TMPRSS11F: variants seen among roughly 807,000 people sequenced by gnomAD.
TMPRSS11F encodes transmembrane protease serine 11F.
A neutral mutation model predicts 60.2 loss-of-function variants in TMPRSS11F; 47 were observed. The observed-to-expected ratio is 0.78, with a 90% CI of 0.62 to 1.00. The LOEUF is 1.00. Ranked by LOEUF, TMPRSS11F falls within the 50% of genes least tolerant of loss-of-function variation. The probability of loss-of-function intolerance (pLI) is 0.00; values close to 1 mark genes in which losing one functional copy is unlikely to be tolerated. For missense variants in TMPRSS11F, 519 were observed against 522.9 expected, an observed-to-expected ratio of 0.99 and a Z score of 0.07; for synonymous variants, 166 against 167.3, an observed-to-expected ratio of 0.99 and a Z score of 0.06.
At chr4:68,100,002 G>A (rs1724156602) in intron 1 of TMPRSS11F, among the ~76,000 whole-genome samples, 1 of 149,764 alleles carries the variant, frequency 6.7e-6, no homozygotes, top group Admixed American at 6.7e-5. Flanking sequence ...TATTAAGAAA[G>A]TGACATGATT....
At chr4:68,064,377 G>A (rs1456270432) in intron 8 of TMPRSS11F, among the ~76,000 whole-genome samples, 1 of 151,874 alleles carries the variant, frequency 6.6e-6, no homozygotes, top group African/African-American at 2.4e-5. Context: ...AGTAGAGATG[G>A]GGTTTCACCA....
chr4:68,083,371 T>C (rs1723745540), intron 3 of TMPRSS11F, among the ~76,000 whole-genome samples: 1 of 152,104 alleles, frequency 6.6e-6, no homozygotes, highest in African/African-American at 2.4e-5. Flanking sequence ...TCATCTCTCT[T>C]CAACGCCACA....
At chr4:68,054,920 A>G (rs1438445) in intron 9 of TMPRSS11F, among the ~76,000 whole-genome samples, 108,765 of 152,050 alleles carry the variant, frequency 0.72, 39,853 homozygotes, top group East Asian at 0.88. Flanking sequence ...CCATCATGAT[A>G]CGTGCTATGG....
At position 68,099,003 on chromosome 4, in the gene TMPRSS11F, G is replaced by C; in HGVS notation, c.47C>G (p.Ala16Gly). The C allele has an allele frequency of 6.2e-7, 1 of 1,612,562 alleles. No homozygotes were observed. Among genetic ancestry groups the C allele is most frequent in the East Asian group, 2.2e-5 (1 of 44,810 alleles). Residue 16 changes from alanine to glycine, a missense_variant, in exon 2 of 10, where the codon GCT becomes GGT. Transcript: ENST00000356291. ...VEFSEAEFSR[A>G]EYQRKQQFWD... The stretch of plus-strand genomic sequence containing the variant: ...AAATTGCTGCTTTCTTTGATATTCA[G>C]CTCGTGAGAATTCAGCTTCTGAAAA...
intron 1 of TMPRSS11F, among the ~76,000 whole-genome samples, chr4:68,109,572 AAAATTTG>A (rs2109879724): frequency 6.6e-6 from 1 of 152,326 alleles, no homozygotes; most frequent in South Asian, 2.1e-4. Context: ...AATGTGTCTC[AAAATTTG>A]AAATAAAGAG....
intron 7 of TMPRSS11F, among the ~76,000 whole-genome samples, chr4:68,066,022 A>G (rs1359097378): frequency 6.6e-6 from 1 of 151,652 alleles, no homozygotes. Flanking sequence ...AAGCTGAGGC[A>G]GGAGAATCGC....
intron 1 of TMPRSS11F, among the ~76,000 whole-genome samples, chr4:68,122,048 G>T (rs1416883056): frequency 6.6e-6 from 1 of 151,908 alleles, no homozygotes; most frequent in Non-Finnish European, 1.5e-5. Context: ...TTGAATATTT[G>T]AGTATGTATT....
intron 1 of TMPRSS11F, among the ~76,000 whole-genome samples, chr4:68,102,786 G>A (rs1424452351): frequency 6.6e-6 from 1 of 151,888 alleles, no homozygotes; most frequent in Non-Finnish European, 1.5e-5. Context: ...TTTATCAATT[G>A]TTTCTTTTGC....
intron 1 of TMPRSS11F, among the ~76,000 whole-genome samples, chr4:68,111,042 G>A (rs530053556): frequency 1.3e-5 from 2 of 152,018 alleles, no homozygotes; most frequent in Non-Finnish European, 2.9e-5. Flanking sequence ...GCCTTATTTA[G>A]GCTGAAGTCC....
chr4:68,096,270 C>T (rs1283137810), intron 2 of TMPRSS11F, among the ~76,000 whole-genome samples: 2 of 152,120 alleles, frequency 1.3e-5, no homozygotes, highest in Non-Finnish European at 2.9e-5. Flanking sequence ...TTTTCTTTCT[C>T]TTTGAGGAAA....
intron 2 of TMPRSS11F, among the ~76,000 whole-genome samples, chr4:68,091,196 T>C (rs1051593643): frequency 6.6e-6 from 1 of 152,184 alleles, no homozygotes; most frequent in African/African-American, 2.4e-5. Context: ...ATGTCTTTCA[T>C]GGTTTTGTTT....
At position 68,060,612 on chromosome 4, in the gene TMPRSS11F, C is replaced by T. The variant is rs1408817828; in HGVS notation, c.1016-1144G>A. 4.6e-3 allele frequency among the ~76,000 whole-genome samples: 445 copies of T among 97,550 alleles called. 4 individuals carry two copies. Among genetic ancestry groups the T allele is most frequent in the African/African-American group, 0.017 (431 of 25,408 alleles). 64.0% of individuals were successfully genotyped at this position (97,550 alleles called of 152,430 possible). ...CATAAGTATCTCTCTTTTTTTTTTT[C>T]AGGTTCTAATTCCTACTCGTTTATT... On this transcript the variant is annotated intron_variant, in intron 8 of 9. Coordinates refer to ENST00000356291, the MANE Select transcript of TMPRSS11F (RefSeq NM_207407.2).
At chr4:68,095,893 C>T (rs1482300316) in intron 2 of TMPRSS11F, among the ~76,000 whole-genome samples, 1 of 14,770 alleles carries the variant, frequency 6.8e-5, no homozygotes, top group East Asian at 1.8e-3. Flanking sequence ...AAGATTCCAT[C>T]TCAAAAAAAA....
intron 6 of TMPRSS11F, 78 bp from the exon 7 acceptor site, chr4:68,068,897 C>G (rs1022958999): frequency 5.5e-6 from 8 of 1,454,790 alleles, no homozygotes; most frequent in African/African-American, 2.8e-5. Flanking sequence ...TGGTTATAGA[C>G]AATCCTTTGT....
At chr4:68,105,430 G>A (rs1168145974) in intron 1 of TMPRSS11F, among the ~76,000 whole-genome samples, 1 of 152,070 alleles carries the variant, frequency 6.6e-6, no homozygotes, top group Non-Finnish European at 1.5e-5. Context: ...ATAAATACAA[G>A]TTGACTGGGT....
At chr4:68,105,001 C>G (rs1262587720) in intron 1 of TMPRSS11F, among the ~76,000 whole-genome samples, 1 of 132,758 alleles carries the variant, frequency 7.5e-6, no homozygotes, top group Non-Finnish European at 1.6e-5. Flanking sequence ...TCTTAGGTAT[C>G]AAGGTGATGC....
chr4:68,093,878 T>A (rs887780503), intron 2 of TMPRSS11F, among the ~76,000 whole-genome samples: 7 of 143,156 alleles, frequency 4.9e-5, no homozygotes, highest in African/African-American at 1.8e-4. Context: ...AGAATGGCAA[T>A]CATTAAAAAG....
At chr4:68,093,012 A>C (rs1723977066) in intron 2 of TMPRSS11F, among the ~76,000 whole-genome samples, 1 of 152,178 alleles carries the variant, frequency 6.6e-6, no homozygotes, top group Non-Finnish European at 1.5e-5. Context: ...AATTGTCCTT[A>C]TATGCAGAGA....
At position 68,071,018 on chromosome 4, in the gene TMPRSS11F, T is replaced by C. The variant is rs193262889; in HGVS notation, c.515-1011A>G. ...TGTATGTAACCAACAATGCCAAAAT[T>C]TTTTAATAAATTATACAATAAGAAA... On this transcript the variant is annotated intron_variant, in intron 5 of 9. Coordinates refer to ENST00000356291, the MANE Select transcript of TMPRSS11F (RefSeq NM_207407.2). 2.9e-3 allele frequency among the ~76,000 whole-genome samples: 437 copies of C among 152,220 alleles called. 1 individual carries two copies. Among genetic ancestry groups the C allele is most frequent in the Non-Finnish European group, 4.1e-3 (281 of 68,016 alleles).
Sources: gnomAD v4.1 joint callset for allele counts (sites outside exome capture counted in the v4.1 genomes callset) on GRCh38, gnomAD v4.1.1 for gene constraint, MANE v1.5 for transcripts, NCBI Gene and HGNC (gene_info 2026-07-23, HGNC 2026-07-21) for gene names.